Variants in NUAK1 observed in about 807,000 individuals in gnomAD.
NUAK1 encodes NUAK family SNF1-like kinase 1.
NUAK1 carries 26 observed loss-of-function variants against 56.9 expected under a neutral mutation model. That is an observed-to-expected ratio of 0.46 (90% CI 0.33 to 0.63). The LOEUF is 0.63. Ranked by LOEUF, NUAK1 falls within the 30% of genes least tolerant of loss-of-function variation. NUAK1 has a pLI of 0.02. For missense variants in NUAK1, 727 were observed against 876.1 expected, an observed-to-expected ratio of 0.83 and a Z score of 2.15; for synonymous variants, 337 against 336.0, an observed-to-expected ratio of 1.00 and a Z score of -0.03.
chr12:106,122,126 G>A (rs916304270), intron 1 of NUAK1, among the ~76,000 whole-genome samples: 1 of 152,188 alleles, frequency 6.6e-6, no homozygotes, highest in Non-Finnish European at 1.5e-5. Flanking sequence ...CCATTGAACA[G>A]TTAAGCTCCT....
intron 4 of NUAK1, among the ~76,000 whole-genome samples, chr12:106,081,308 G>C (rs983480488): frequency 6.6e-6 from 1 of 152,178 alleles, no homozygotes; most frequent in African/African-American, 2.4e-5. Context: ...GACTCCCAAA[G>C]TTCTTTAAAG....
chr12:106,076,257 T>A (rs1027156689), intron 4 of NUAK1, among the ~76,000 whole-genome samples: 3 of 152,208 alleles, frequency 2.0e-5, no homozygotes, highest in African/African-American at 7.2e-5. Flanking sequence ...ATAAGAAGTT[T>A]TGCTAAAGGT....
intron 4 of NUAK1, among the ~76,000 whole-genome samples, chr12:106,075,286 A>ACACACACAC (rs2032448981): frequency 7.5e-6 from 1 of 133,930 alleles, no homozygotes; most frequent in Non-Finnish European, 1.6e-5. Flanking sequence ...AGTATTAATC[A>ACACACACAC]ACACACACAC....
intron 1 of NUAK1, among the ~76,000 whole-genome samples, chr12:106,121,367 C>T (rs956696404): frequency 6.6e-5 from 10 of 152,148 alleles, no homozygotes; most frequent in South Asian, 4.1e-4. Flanking sequence ...CCTCATTTCA[C>T]GCTTCTCTTT....
chr12:106,136,351 C>T (rs2033129648), intron 1 of NUAK1, among the ~76,000 whole-genome samples: 1 of 152,150 alleles, frequency 6.6e-6, no homozygotes, highest in Non-Finnish European at 1.5e-5. Flanking sequence ...AAGCCTCTCT[C>T]GTTCTCAGGG....
chr12:106,130,803 G>A (rs752374215), intron 1 of NUAK1, among the ~76,000 whole-genome samples: 7 of 152,152 alleles, frequency 4.6e-5, no homozygotes, highest in Non-Finnish European at 1.0e-4. Flanking sequence ...AGTAGCAATC[G>A]CCCTGGCTGC....
At chr12:106,091,253 G>A (rs1426892133) in intron 2 of NUAK1, among the ~76,000 whole-genome samples, 1 of 152,212 alleles carries the variant, frequency 6.6e-6, no homozygotes, top group African/African-American at 2.4e-5. Context: ...GTTTTACCCA[G>A]AGGCCCGGTG....
intron 4 of NUAK1, among the ~76,000 whole-genome samples, chr12:106,081,306 A>G (rs1249658025): frequency 6.6e-6 from 1 of 152,196 alleles, no homozygotes; most frequent in Non-Finnish European, 1.5e-5. Context: ...ATGACTCCCA[A>G]AGTTCTTTAA....
chr12:106,088,121 G>C (rs1489287383), intron 2 of NUAK1, among the ~76,000 whole-genome samples: 1 of 152,218 alleles, frequency 6.6e-6, no homozygotes, highest in Non-Finnish European at 1.5e-5. Context: ...CAGGGAGAAG[G>C]GAGGCCACAA....
At chr12:106,131,718 T>G (rs528685798) in intron 1 of NUAK1, among the ~76,000 whole-genome samples, 16 of 152,344 alleles carry the variant, frequency 1.1e-4, no homozygotes, top group African/African-American at 3.8e-4. Context: ...TGTGGACATA[T>G]GTTTGCATTT....
At chr12:106,098,186 G>A (rs1689058996) in intron 2 of NUAK1, among the ~76,000 whole-genome samples, 1 of 152,212 alleles carries the variant, frequency 6.6e-6, no homozygotes, top group Non-Finnish European at 1.5e-5. Flanking sequence ...ATCTCAGGGA[G>A]CACAGGTAGC....
intron 1 of NUAK1, among the ~76,000 whole-genome samples, chr12:106,132,411 G>C (rs2033087572): frequency 6.6e-6 from 1 of 152,194 alleles, no homozygotes; most frequent in African/African-American, 2.4e-5. Context: ...TTGACAATAA[G>C]TATCTTTGCA....
chr12:106,135,978 C>G (rs564578269), intron 1 of NUAK1, among the ~76,000 whole-genome samples: 1 of 152,314 alleles, frequency 6.6e-6, no homozygotes, highest in East Asian at 1.9e-4. Context: ...TTGACAATTC[C>G]TGTTTCTCAC....
chr12:106,117,581 T>C (rs748965175), intron 1 of NUAK1, among the ~76,000 whole-genome samples: 1 of 152,200 alleles, frequency 6.6e-6, no homozygotes, highest in African/African-American at 2.4e-5. Flanking sequence ...AGGACCCACA[T>C]AGATGTCATT....
At position 106,066,567 on chromosome 12, in the gene NUAK1, T is replaced by TAAA; in HGVS notation, c.*232_*234dup. Reference sequence around the variant, plus strand: ...ACAGCTGGTCCTCTAGGAGGTGCCATAAAGCAAATGCCAAACAGGGCCCAA... The same window carrying TAAA: ...ACAGCTGGTCCTCTAGGAGGTGCCATAAAAAAGCAAATGCCAAACAGGGCCCAA... On this transcript the variant is annotated 3_prime_UTR_variant, in exon 7 of 7. Coordinates refer to ENST00000261402, the MANE Select transcript of NUAK1 (RefSeq NM_014840.3). 1 of 559,820 alleles carries TAAA rather than the reference T, an allele frequency of 1.8e-6. No individual in the cohort carries two copies. 34.7% of individuals were successfully genotyped at this position (559,820 alleles called of 1,614,324 possible). A position where few individuals can be genotyped will look rare whatever the true frequency, so the allele number is the denominator to read the frequency against.
intron 2 of NUAK1, among the ~76,000 whole-genome samples, chr12:106,091,450 G>A (rs183934193): frequency 4.4e-4 from 67 of 152,294 alleles, no homozygotes; most frequent in East Asian, 5.8e-4. Flanking sequence ...TGGGGATACC[G>A]AAAGAAGACT....
intron 1 of NUAK1, among the ~76,000 whole-genome samples, chr12:106,131,851 T>A (rs1592865060): frequency 6.6e-6 from 1 of 152,308 alleles, no homozygotes; most frequent in East Asian, 1.9e-4. Context: ...CCAGGGAATT[T>A]TATCAATTCA....
intron 2 of NUAK1, among the ~76,000 whole-genome samples, chr12:106,101,356 G>A (rs547082112): frequency 8.3e-4 from 127 of 152,322 alleles, no homozygotes; most frequent in African/African-American, 2.3e-3. Flanking sequence ...CTGCATCCCC[G>A]CAAAAACTCA....
chr12:106,124,976 G>A (rs529712715), intron 1 of NUAK1, among the ~76,000 whole-genome samples: 19 of 151,120 alleles, frequency 1.3e-4, no homozygotes, highest in South Asian at 1.0e-3. Context: ...CAGCCTGGGC[G>A]ACAGAGCCAG....
Sources: allele counts gnomAD v4.1 joint callset (sites outside exome capture counted in the v4.1 genomes callset), GRCh38; gene constraint gnomAD v4.1.1; transcripts MANE v1.5; gene names NCBI Gene and HGNC (gene_info 2026-07-23, HGNC 2026-07-21).